The following CDC42BPA variants were observed in gnomAD, a reference collection of about 807,000 sequenced individuals.
The protein encoded by CDC42BPA is CDC42 binding protein kinase alpha.
In CDC42BPA, 80 loss-of-function variants were observed where a neutral mutation model predicts 223.5. The ratio of observed to expected loss-of-function variants is 0.36; its 90% confidence interval spans 0.30 to 0.43. The LOEUF is 0.43. CDC42BPA is among the 20% of genes least tolerant of loss of function. CDC42BPA has a pLI of 1.00. For synonymous variants in CDC42BPA, 694 were observed against 718.6 expected (o/e 0.97, Z 0.55); for missense variants, 1,743 against 2,099.9 (o/e 0.83, Z 3.32).
chr1:227,230,728 AT>A, intron 2 of CDC42BPA, among the ~76,000 whole-genome samples: 1 of 150,812 alleles, frequency 6.6e-6, no homozygotes, highest in East Asian at 2.0e-4. Context: ...GCATCTATAC[AT>A]TTTTATGTGT....
At chr1:227,071,846 C>T (rs1480392851) in intron 20 of CDC42BPA, among the ~76,000 whole-genome samples, 1 of 151,044 alleles carries the variant, frequency 6.6e-6, no homozygotes, top group African/African-American at 2.4e-5. Context: ...CATATCATAG[C>T]ATTTGAGAAT....
At chr1:227,170,230 A>G (rs1267188153) in intron 5 of CDC42BPA, among the ~76,000 whole-genome samples, 2 of 151,992 alleles carry the variant, frequency 1.3e-5, no homozygotes, top group Non-Finnish European at 2.9e-5. Context: ...CATACTTATC[A>G]TGTTGTTAAG....
Position 227,026,303 on chromosome 1 carries a change from A to T in CDC42BPA, c.4433-151T>A, listed in dbSNP as rs1195806584. ...TAGTAGCCAAATCAAAACATTTTTG[A>T]AGCAAACAGAACATATATCGTAAAT... On this transcript the variant is annotated intron_variant, in intron 30 of 36. Transcript: ENST00000366766. 4 of 542,928 alleles carry T rather than the reference A, an allele frequency of 7.4e-6. No homozygotes were observed. In the Admixed American group the frequency reaches 1.1e-4, roughly 15 times the overall value. The allele number at this position is 542,928 out of a possible 1,614,324, so 33.6% of individuals were successfully genotyped here. A position where few individuals can be genotyped will look rare whatever the true frequency, so the allele number is the denominator to read the frequency against.
intron 2 of CDC42BPA, among the ~76,000 whole-genome samples, chr1:227,218,477 T>C (rs1675271506): frequency 1.3e-5 from 2 of 152,212 alleles, no homozygotes; most frequent in Non-Finnish European, 1.5e-5. Flanking sequence ...ATATTACATA[T>C]ATTACCCCTC....
chr1:227,013,964 C>T (rs1420386573), intron 34 of CDC42BPA, among the ~76,000 whole-genome samples: 1 of 152,106 alleles, frequency 6.6e-6, no homozygotes, highest in Admixed American at 6.5e-5. Context: ...AATATATTCA[C>T]ATTTCAATTG....
At chr1:227,011,680 T>C (rs553787896) in intron 34 of CDC42BPA, among the ~76,000 whole-genome samples, 29 of 152,322 alleles carry the variant, frequency 1.9e-4, no homozygotes, top group Admixed American at 1.3e-3. Context: ...AAATCTTCCC[T>C]TCAATGTTCA....
At chr1:227,268,679 T>C (rs114984041) in intron 1 of CDC42BPA, among the ~76,000 whole-genome samples, 22,407 of 143,016 alleles carry the variant, frequency 0.16, 2,010 homozygotes, top group East Asian at 0.37. Context: ...TATATATATA[T>C]ACACACACAC....
chr1:227,208,438 T>C (rs1040741932), intron 3 of CDC42BPA, among the ~76,000 whole-genome samples: 1 of 140,996 alleles, frequency 7.1e-6, no homozygotes, highest in African/African-American at 2.6e-5. Context: ...CCCATGCCTA[T>C]GTCCTGAATG....
At chr1:227,198,438 C>CAAAAAAAA (rs1176604134) in intron 4 of CDC42BPA, among the ~76,000 whole-genome samples, 116 of 50,778 alleles carry the variant, frequency 2.3e-3, no homozygotes, top group East Asian at 2.9e-3. Flanking sequence ...ATCCAGCAAA[C>CAAAAAAAA]AAAAAAAAAA....
chr1:227,029,204 G>T lies in CDC42BPA; in HGVS notation c.3885C>A (p.Leu1295=). The change falls in exon 30 of 37, where the codon CTC becomes CTA. Residue 1295 remains leucine (L), a synonymous_variant. Transcript: ENST00000366766. ...GDNKKIHQIE[L]IPNDQLVAVI... is the part of the protein sequence containing the mutation. ...CAGCAACAAGCTGATCATTTGGAAT[G>T]AGTTCAATCTGATGAATCTTCTTAT... The T allele has an allele frequency of 6.3e-7, 1 of 1,598,754 alleles. No homozygotes were observed. Among genetic ancestry groups the T allele is most frequent in the Non-Finnish European group, 8.5e-7 (1 of 1,178,364 alleles).
Position 227,306,138 on chromosome 1 carries a change from GTTT to G in CDC42BPA, c.178+10864_178+10866del, listed in dbSNP as rs56027762. Among the ~76,000 whole-genome samples, 371 of 135,680 alleles carry G rather than the reference GTTT, an allele frequency of 2.7e-3. 2 individuals carry two copies. The highest frequency in any genetic ancestry group is 0.019 in the Middle Eastern group (5 of 262). The allele number at this position is 135,680 out of a possible 152,430, so 89.0% of individuals were successfully genotyped here. On this transcript the variant is annotated intron_variant, in intron 1 of 36. Transcript: ENST00000366766. Reference sequence around the variant, plus strand: ...TGATCAAAGGATCATGTTCTAAGTGGTTTTTTTTTTTTTTTTTTGCTTCCTTCT... The same window carrying G: ...TGATCAAAGGATCATGTTCTAAGTGGTTTTTTTTTTTTTTTGCTTCCTTCT...
intron 32 of CDC42BPA, 105 bp downstream of exon 32, chr1:227,023,158 T>C (rs1667692354): frequency 1.1e-5 from 7 of 614,776 alleles, no homozygotes; most frequent in Non-Finnish European, 2.0e-5. Flanking sequence ...TACACCTGTG[T>C]TGAAATCTGG....
At chr1:227,282,644 A>G (rs1304112960) in intron 1 of CDC42BPA, among the ~76,000 whole-genome samples, 3 of 152,202 alleles carry the variant, frequency 2.0e-5, no homozygotes, top group Admixed American at 6.5e-5. Flanking sequence ...GGAGCAGGTA[A>G]AACACAAACA....
chr1:227,294,910 T>A, intron 1 of CDC42BPA, among the ~76,000 whole-genome samples: 2 of 117,980 alleles, frequency 1.7e-5, no homozygotes, highest in African/African-American at 3.2e-5. Flanking sequence ...TTGCACTAGA[T>A]CACTTTATCA....
rs577303639 is a variant in CDC42BPA at position 227,231,232 on chromosome 1, G to A, written c.271-18013C>T. On this transcript the variant is annotated intron_variant, in intron 2 of 36. Coordinates refer to ENST00000366766, the MANE Select transcript of CDC42BPA (RefSeq NM_001394014.1). ...TTCCCACCTATGAGTGAGAATATGCGGTGTTGTTTTCTGTCCTTGCAATAA... is the reference window on the plus strand; with the variant it reads ...TTCCCACCTATGAGTGAGAATATGCAGTGTTGTTTTCTGTCCTTGCAATAA... Among the ~76,000 whole-genome samples, 39 of 138,186 alleles carry A rather than the reference G, an allele frequency of 2.8e-4. No individual in the cohort carries two copies. The East Asian group carries it at 7.6e-3, about 27-fold the overall frequency. 90.7% of individuals were successfully genotyped at this position (138,186 alleles called of 152,430 possible). A position where few individuals can be genotyped will look rare whatever the true frequency, so the allele number is the denominator to read the frequency against.
intron 35 of CDC42BPA, among the ~76,000 whole-genome samples, chr1:227,003,636 A>G (rs1663369730): frequency 6.6e-6 from 1 of 152,206 alleles, no homozygotes; most frequent in African/African-American, 2.4e-5. Context: ...GCATCTTTGT[A>G]TAATTTTATT....
rs1660606972 is a variant in CDC42BPA at position 226,990,470 on chromosome 1, C to G, written c.*3798G>C. ...GAAATGCAGCTCATCTAGTTCAGGG[C>G]TGGGCCAGAGAGACGGGGGAGTGGA... On this transcript the variant is annotated 3_prime_UTR_variant, in exon 37 of 37. Coordinates refer to ENST00000366766, the MANE Select transcript of CDC42BPA (RefSeq NM_001394014.1). 1 of 152,274 alleles carries G rather than the reference C, an allele frequency of 6.6e-6. No homozygotes were observed. The highest frequency in any genetic ancestry group is 2.4e-5 in the African/African-American group (1 of 41,440). 9.4% of individuals were successfully genotyped at this position (152,274 alleles called of 1,614,324 possible). A position where few individuals can be genotyped will look rare whatever the true frequency, so the allele number is the denominator to read the frequency against.
At chr1:227,068,505 T>C (rs1677566144) in intron 21 of CDC42BPA, 2 of 200,604 alleles carry the variant, frequency 1.0e-5, no homozygotes, top group South Asian at 1.9e-4. Flanking sequence ...CTTCATTATA[T>C]TTAAGATAAG....
intron 1 of CDC42BPA, among the ~76,000 whole-genome samples, chr1:227,288,072 C>T (rs1290911416): frequency 6.6e-6 from 1 of 152,148 alleles, no homozygotes; most frequent in African/African-American, 2.4e-5. Flanking sequence ...AAACATTAAT[C>T]TATGAGTATC....
Sources: allele counts gnomAD v4.1 joint callset (sites outside exome capture counted in the v4.1 genomes callset), GRCh38; gene constraint gnomAD v4.1.1; transcripts MANE v1.5; gene names NCBI Gene and HGNC (gene_info 2026-07-23, HGNC 2026-07-21).